The following TOX2 variants were observed in gnomAD, a reference collection of about 807,000 sequenced individuals.
The protein encoded by TOX2 is granulosa cell HMG box 1.
Under a neutral mutation model 47.4 loss-of-function variants are expected in TOX2, and 15 were observed. That is an observed-to-expected ratio of 0.32 (90% CI 0.21 to 0.49). The LOEUF (loss-of-function observed/expected upper bound fraction) is 0.49. TOX2 is among the 20% of genes least tolerant of loss of function. The pLI is 0.99. For synonymous variants in TOX2, 290 were observed against 296.6 expected (o/e 0.98, Z 0.23); for missense variants, 622 against 673.1 (o/e 0.92, Z 0.84).
At chr20:43,964,079 G>T (rs934386322) in intron 1 of TOX2, among the ~76,000 whole-genome samples, 1 of 151,222 alleles carries the variant, frequency 6.6e-6, no homozygotes, top group African/African-American at 2.4e-5. Context: ...AGAAAACTGA[G>T]ACACAGTAAT....
intron 1 of TOX2, among the ~76,000 whole-genome samples, chr20:43,963,177 A>G (rs2069791906): frequency 6.6e-6 from 1 of 151,766 alleles, no homozygotes; most frequent in Admixed American, 6.6e-5. Flanking sequence ...GGAGGGGGCA[A>G]TGATTCCCAC....
In TOX2 at chr20:43,914,888, C is replaced by G; in HGVS notation, c.-4C>G. ...GAGCCGCCGCCGCCGCCGCCGCGCC[C>G]GCCATGGACGTCCGCCTGTACCCCT... is the stretch of plus-strand genomic sequence containing the variant. On this transcript the variant is annotated 5_prime_UTR_variant, in exon 1 of 9. Transcript: ENST00000341197. This position sits in a 1 kb window ranked among gnomAD's most constrained non-coding sequence, Gnocchi z 4.5. 1 of 1,040,536 alleles carries G rather than the reference C, an allele frequency of 9.6e-7. No individual in the cohort carries two copies. The highest frequency in any genetic ancestry group is 1.2e-6 in the Non-Finnish European group (1 of 868,568). 64.5% of individuals were successfully genotyped at this position (1,040,536 alleles called of 1,614,324 possible). A position where few individuals can be genotyped will look rare whatever the true frequency, so the allele number is the denominator to read the frequency against.
chr20:44,038,530 G>T (rs1441136782), intron 3 of TOX2, among the ~76,000 whole-genome samples: 1 of 151,852 alleles, frequency 6.6e-6, no homozygotes, highest in Admixed American at 6.6e-5. Context: ...CCCTATGCAT[G>T]TATACAACTA....
At chr20:44,048,786 T>C (rs1196887786) in intron 3 of TOX2, among the ~76,000 whole-genome samples, 3 of 151,814 alleles carry the variant, frequency 2.0e-5, no homozygotes, top group Non-Finnish European at 4.4e-5. Flanking sequence ...AGATACTTAA[T>C]AAAGAGTTTA....
At chr20:44,029,312 C>G (rs6103573) in intron 3 of TOX2, among the ~76,000 whole-genome samples, 106,590 of 152,094 alleles carry the variant, frequency 0.7, 37,730 homozygotes, top group Middle Eastern at 0.8. Context: ...ATAACAAGCA[C>G]CATACCCTTT....
chr20:43,941,890 C>T (rs571125392), intron 1 of TOX2, among the ~76,000 whole-genome samples: 5 of 152,208 alleles, frequency 3.3e-5, no homozygotes, highest in Middle Eastern at 3.4e-3. Flanking sequence ...GATTTGTCCC[C>T]GTTTTGTGAA....
At position 44,051,452 on chromosome 20, in the gene TOX2, C is replaced by T. The variant is rs144641336; in HGVS notation, c.558C>T (p.Ile186=). ...CGCAGATGGGCATCCGGAGCAGCAT[C>T]GCCCACAGCTCCCCATCACCGCCGG... ...LISQMGIRSS[I]AHSSPSPPGS... is the part of the protein sequence containing the mutation. Residue 186 remains isoleucine (I), a synonymous_variant, in exon 4 of 9, where the codon ATC becomes ATT. Transcript: ENST00000341197. 242 of 1,613,972 alleles carry T rather than the reference C, an allele frequency of 1.5e-4. 2 individuals are homozygous for T. The South Asian group carries it at 2.1e-3, about 14-fold the overall frequency.
intron 3 of TOX2, among the ~76,000 whole-genome samples, chr20:44,019,187 G>A (rs1003091932): frequency 2.0e-5 from 3 of 152,234 alleles, no homozygotes; most frequent in Non-Finnish European, 2.9e-5. Context: ...TGGAGACTAA[G>A]TTACATGGGG....
At position 43,936,561 on chromosome 20, in the gene TOX2, G is replaced by T. The variant is rs574294865; in HGVS notation, c.99+21571G>T. ...TGGGTGATCTAGGACAGCCTCCCTC[G>T]TGCAGCTGGCAGTTTGCATGCTGCT... is the stretch of plus-strand genomic sequence containing the variant. On this transcript the variant is annotated intron_variant, in intron 1 of 8. Coordinates refer to ENST00000341197, the MANE Select transcript of TOX2 (RefSeq NM_001098797.2). Among the ~76,000 whole-genome samples, 3 of 152,266 alleles carry T rather than the reference G, an allele frequency of 2.0e-5. No homozygotes were observed. In the East Asian group the frequency reaches 5.8e-4, roughly 29 times the overall value.
chr20:43,986,251 T>G (rs991705378), intron 2 of TOX2, among the ~76,000 whole-genome samples: 7 of 89,330 alleles, frequency 7.8e-5, no homozygotes, highest in Non-Finnish European at 1.5e-4. Context: ...GAGGAAGCCT[T>G]TTAAAATGTA....
chr20:43,948,133 C>T (rs775528084), intron 1 of TOX2, among the ~76,000 whole-genome samples: 3 of 152,214 alleles, frequency 2.0e-5, no homozygotes, highest in Non-Finnish European at 4.4e-5. Context: ...ACGTGTTCTC[C>T]TGGGGAGGGA....
At chr20:43,946,911 T>C (rs1343587447) in intron 1 of TOX2, among the ~76,000 whole-genome samples, 1 of 152,212 alleles carries the variant, frequency 6.6e-6, no homozygotes, top group African/African-American at 2.4e-5. Context: ...ACAGCCATTG[T>C]TGAAATCTGG....
intron 5 of TOX2, among the ~76,000 whole-genome samples, chr20:44,062,388 AAATAAATAAATAAATAAATG>A (rs1207684522): frequency 3.4e-5 from 5 of 148,248 alleles, no homozygotes; most frequent in African/African-American, 1.0e-4. Context: ...ATAAATAAAT[AAATAAATAAATAAATAAATG>A]AATAAATAAA....
rs148474376 is a variant in TOX2, at chr20:44,042,207, A to C, written c.412-9099A>C. 1.1e-3 allele frequency among the ~76,000 whole-genome samples: 160 copies of C among 152,330 alleles called. 5 individuals carry two copies. In the East Asian group the frequency reaches 0.024, roughly 22 times the overall value. Reference sequence around the variant, plus strand: ...TGTGCAGGGGAACTCCCGTTTATAAAACCATCAGATCTCATGAGACGTATT... The same window carrying C: ...TGTGCAGGGGAACTCCCGTTTATAACACCATCAGATCTCATGAGACGTATT... On this transcript the variant is annotated intron_variant, in intron 3 of 8. Transcript: ENST00000341197.
chr20:44,060,033 C>T (rs1295068099), intron 5 of TOX2, among the ~76,000 whole-genome samples: 1 of 152,086 alleles, frequency 6.6e-6, no homozygotes, highest in Non-Finnish European at 1.5e-5. Context: ...TAAGGACACA[C>T]ATAACCTTTA....
At chr20:43,976,150 A>G (rs1391752931) in intron 2 of TOX2, among the ~76,000 whole-genome samples, 2 of 152,252 alleles carry the variant, frequency 1.3e-5, no homozygotes, top group Non-Finnish European at 2.9e-5. Context: ...TTTTTCCTGC[A>G]TAACAAACAC....
chr20:43,966,042 G>A (rs1031989921), intron 1 of TOX2, among the ~76,000 whole-genome samples: 1 of 152,146 alleles, frequency 6.6e-6, no homozygotes, highest in Non-Finnish European at 1.5e-5. Context: ...TTAAGCACCT[G>A]TCAAAAATAG....
intron 8 of TOX2, among the ~76,000 whole-genome samples, chr20:44,067,412 G>T (rs1448018523): frequency 6.6e-6 from 1 of 152,190 alleles, no homozygotes; most frequent in Non-Finnish European, 1.5e-5. Flanking sequence ...TCATCAGTCA[G>T]CCCTTGGCTG....
Position 43,951,428 on chromosome 20 carries a change from T to G in TOX2, c.100-21939T>G, listed in dbSNP as rs1037730330. On this transcript the variant is annotated intron_variant, in intron 1 of 8. Transcript: ENST00000341197. ...CGTATCTACTAAAAATACAAAAAAATTAGCCGGGTATGGTGGCGCACACCT... is the reference window on the plus strand; with the variant it reads ...CGTATCTACTAAAAATACAAAAAAAGTAGCCGGGTATGGTGGCGCACACCT... Among the ~76,000 whole-genome samples the G allele has an allele frequency of 2.6e-4, 39 of 151,538 alleles. 1 individual carries two copies. Among genetic ancestry groups the G allele is most frequent in the Non-Finnish European group, 1.2e-4 (8 of 67,918 alleles).
Sources: gnomAD v4.1 joint callset for allele counts (sites outside exome capture counted in the v4.1 genomes callset) on GRCh38, gnomAD v4.1.1 for gene constraint, Gnocchi (gnomAD v3.1) non-coding constraint, MANE v1.5 for transcripts, NCBI Gene and HGNC (gene_info 2026-07-23, HGNC 2026-07-21) for gene names.